SFXN1: variants seen among roughly 807,000 people sequenced by gnomAD.
The protein encoded by SFXN1 is sideroflexin-1.
A neutral mutation model predicts 39.5 loss-of-function variants in SFXN1; 32 were observed. The observed-to-expected ratio is 0.81, with a 90% CI of 0.61 to 1.09. The LOEUF is 1.09. Among genes scored for constraint, SFXN1 ranks in the 50% least tolerant of loss-of-function variants. SFXN1 has a pLI of 0.00. For synonymous variants in SFXN1, 136 were observed against 146.5 expected, an observed-to-expected ratio of 0.93 and a Z score of 0.52; for missense variants, 402 against 407.1, an observed-to-expected ratio of 0.99 and a Z score of 0.11.
chr5:175,487,047 G>C (rs1759474442), intron 1 of SFXN1, among the ~76,000 whole-genome samples: 1 of 152,092 alleles, frequency 6.6e-6, no homozygotes, highest in African/African-American at 2.4e-5. Context: ...ATCTTCACCG[G>C]GGAACATCAC....
intron 8 of SFXN1, 34 bp downstream of exon 8, chr5:175,516,697 C>A: frequency 6.3e-7 from 1 of 1,597,044 alleles, no homozygotes; most frequent in Non-Finnish European, 8.6e-7. Context: ...TTTCTCAACC[C>A]TTTTTATTTC....
chr5:175,489,406 GC>G (rs1436988659), intron 1 of SFXN1, among the ~76,000 whole-genome samples: 12 of 152,190 alleles, frequency 7.9e-5, no homozygotes, highest in African/African-American at 2.7e-4. Context: ...TCCCCTGCAC[GC>G]CCTGCAGGTA....
At chr5:175,494,625 G>T (rs1251754453) in intron 2 of SFXN1, among the ~76,000 whole-genome samples, 1 of 152,020 alleles carries the variant, frequency 6.6e-6, no homozygotes, top group Non-Finnish European at 1.5e-5. Flanking sequence ...GGTGGTGCAT[G>T]TCTGTAATTC....
At chr5:175,504,855 A>G (rs1760226859) in intron 2 of SFXN1, among the ~76,000 whole-genome samples, 1 of 151,776 alleles carries the variant, frequency 6.6e-6, no homozygotes, top group African/African-American at 2.4e-5. Context: ...CAGCCTCCTG[A>G]GTAGCTGGGG....
chr5:175,491,324 T>C (rs1759646051), intron 1 of SFXN1, among the ~76,000 whole-genome samples: 1 of 152,220 alleles, frequency 6.6e-6, no homozygotes. Flanking sequence ...TCTTTTTTAG[T>C]TGTGTAATTT....
intron 6 of SFXN1, 22 bp downstream of exon 6, chr5:175,512,218 A>G (rs756999774): frequency 1.3e-6 from 2 of 1,598,982 alleles, no homozygotes; most frequent in South Asian, 1.1e-5. Context: ...ATGCACTCTT[A>G]GTAGGGACAT....
chr5:175,497,695 G>A (rs1031859207), intron 2 of SFXN1, among the ~76,000 whole-genome samples: 24 of 152,036 alleles, frequency 1.6e-4, no homozygotes, highest in African/African-American at 3.9e-4. Flanking sequence ...TTTTGAGGCC[G>A]AGACGGGTAG....
intron 8 of SFXN1, among the ~76,000 whole-genome samples, chr5:175,518,272 AAGTTCTAATTCT>A (rs1760775579): frequency 6.6e-6 from 1 of 152,122 alleles, no homozygotes; most frequent in South Asian, 2.1e-4. Flanking sequence ...CTTGTTCCTT[AAGTTCTAATTCT>A]TTTATATTCC....
chr5:175,482,884 CA>C (rs1339502657), intron 1 of SFXN1, among the ~76,000 whole-genome samples: 1 of 152,096 alleles, frequency 6.6e-6, no homozygotes, highest in Non-Finnish European at 1.5e-5. Context: ...AATTACACCA[CA>C]GGGCGGGGGG....
At chr5:175,491,689 G>A (rs1168570701) in intron 1 of SFXN1, 2 of 154,014 alleles carry the variant, frequency 1.3e-5, no homozygotes, top group African/African-American at 4.8e-5. Context: ...GTCTTGCCGT[G>A]TTGTCCAGGC....
chr5:175,499,198 T>C (rs1430424852), intron 2 of SFXN1, among the ~76,000 whole-genome samples: 2 of 151,116 alleles, frequency 1.3e-5, no homozygotes, highest in African/African-American at 4.9e-5. Context: ...GAGGTTGCAG[T>C]GAGCCGAGAT....
chr5:175,486,112 T>C (rs368172852), intron 1 of SFXN1, among the ~76,000 whole-genome samples: 9 of 152,200 alleles, frequency 5.9e-5, no homozygotes, highest in African/African-American at 2.2e-4. Flanking sequence ...TCACTTGTAC[T>C]TAGAGTAACC....
chr5:175,491,493 G>A (rs1759653489), intron 1 of SFXN1: 2 of 145,538 alleles, frequency 1.4e-5, no homozygotes, highest in African/African-American at 5.2e-5. Flanking sequence ...TTTTTTTTTA[G>A]AGGCATGGTC....
rs559215664 is a variant in SFXN1, at chr5:175,526,994, C to T, written c.*260C>T. On this transcript the variant is annotated 3_prime_UTR_variant, in exon 11 of 11. Coordinates refer to ENST00000321442, the MANE Select transcript of SFXN1 (RefSeq NM_022754.7). ...TTTTATAGTCATTGTTTTTCAAAGA[C>T]GATATACCAGCCCTCACCCAGGTTT... 1.0e-4 allele frequency: 48 copies of T among 457,154 alleles called. 1 individual carries two copies. In the South Asian group the frequency reaches 1.2e-3, roughly 12 times the overall value. The allele number at this position is 457,154 out of a possible 1,614,324, so 28.3% of individuals were successfully genotyped here.
chr5:175,479,588 C>G (rs942277734), intron 1 of SFXN1, among the ~76,000 whole-genome samples: 1 of 152,090 alleles, frequency 6.6e-6, no homozygotes, highest in African/African-American at 2.4e-5. Flanking sequence ...AAGGTGTTTA[C>G]ATGTTTTCTT....
intron 8 of SFXN1, among the ~76,000 whole-genome samples, chr5:175,519,760 A>G (rs1181287730): frequency 6.6e-6 from 1 of 151,028 alleles, no homozygotes; most frequent in Non-Finnish European, 1.5e-5. Context: ...CCATATATGT[A>G]TGTCAGAACT....
intron 2 of SFXN1, among the ~76,000 whole-genome samples, chr5:175,495,024 G>A (rs1759805828): frequency 1.3e-5 from 2 of 152,190 alleles, no homozygotes; most frequent in Admixed American, 1.3e-4. Context: ...GTAGCCAAAA[G>A]TTGGAAGCAA....
At chr5:175,481,303 C>T (rs192628713) in intron 1 of SFXN1, among the ~76,000 whole-genome samples, 32 of 152,156 alleles carry the variant, frequency 2.1e-4, no homozygotes, top group African/African-American at 6.0e-4. Context: ...ATGTTACATC[C>T]GTGTTTTTGT....
intron 2 of SFXN1, among the ~76,000 whole-genome samples, chr5:175,506,435 A>G (rs4868521): frequency 6.6e-6 from 1 of 152,222 alleles, no homozygotes; most frequent in East Asian, 1.9e-4. Flanking sequence ...AGACATAGCC[A>G]AAGTTTTAAT....
Sources: gnomAD v4.1 joint callset for allele counts (sites outside exome capture counted in the v4.1 genomes callset) on GRCh38, gnomAD v4.1.1 for gene constraint, MANE v1.5 for transcripts, NCBI Gene and HGNC (gene_info 2026-07-23, HGNC 2026-07-21) for gene names.